The following TRAPPC9 variants were observed in gnomAD, a reference collection of about 807,000 sequenced individuals.
TRAPPC9 encodes the protein trafficking protein particle complex subunit 9, also known as IKK2 binding protein.
TRAPPC9 carries 83 observed loss-of-function variants against 124.0 expected under a neutral mutation model. That is an observed-to-expected ratio of 0.67 (90% confidence interval 0.56 to 0.80). The LOEUF is 0.80. Among genes scored for constraint, TRAPPC9 ranks in the 30% least tolerant of loss-of-function variants. TRAPPC9 has a pLI of 0.00. For synonymous variants in TRAPPC9, 638 were observed against 617.5 expected, an observed-to-expected ratio of 1.03 and a Z score of -0.49; for missense variants, 1,302 against 1,508.3, an observed-to-expected ratio of 0.86 and a Z score of 2.27.
intron 17 of TRAPPC9, among the ~76,000 whole-genome samples, chr8:140,202,076 CT>C (rs1214930207): frequency 1.3e-5 from 2 of 151,644 alleles, no homozygotes; most frequent in African/African-American, 4.8e-5. Flanking sequence ...TACAAAGTAT[CT>C]GCTCTAAGCC....
At chr8:140,438,758 C>T (rs925211788) in intron 3 of TRAPPC9, among the ~76,000 whole-genome samples, 6 of 151,944 alleles carry the variant, frequency 3.9e-5, no homozygotes, top group African/African-American at 1.5e-4. Context: ...AGTTGTGCAA[C>T]CTCTGCTCAC....
chr8:140,405,548 T>TA (rs767948779), intron 6 of TRAPPC9, 29 bp downstream of exon 6: 29 of 1,611,926 alleles, frequency 1.8e-5, no homozygotes, highest in African/African-American at 1.3e-4. Context: ...CACAACTGTG[T>TA]AAAAAAAATC....
At chr8:139,806,360 T>C (rs2130718098) in intron 21 of TRAPPC9, 1 of 152,446 alleles carries the variant, frequency 6.6e-6, no homozygotes, top group South Asian at 2.1e-4. Context: ...TTACTGGCTG[T>C]GGGGAGAGCT....
intron 6 of TRAPPC9, among the ~76,000 whole-genome samples, chr8:140,399,250 C>A (rs544245433): frequency 3.0e-4 from 45 of 152,358 alleles, no homozygotes; most frequent in Middle Eastern, 3.4e-3. Flanking sequence ...GGTTGGAGCC[C>A]CCACACAGAG....
At chr8:139,934,309 T>C (rs892975833) in intron 19 of TRAPPC9, among the ~76,000 whole-genome samples, 3 of 151,824 alleles carry the variant, frequency 2.0e-5, no homozygotes, top group Non-Finnish European at 4.4e-5. Context: ...AGAGAGAAGA[T>C]GAGAGTAGCT....
intron 21 of TRAPPC9, among the ~76,000 whole-genome samples, chr8:139,884,055 C>T (rs951945950): frequency 3.9e-5 from 6 of 152,166 alleles, no homozygotes; most frequent in African/African-American, 7.2e-5. Context: ...TCTCCCATGG[C>T]GACCTCACAC....
At chr8:139,744,111 C>G (rs973353815) in intron 21 of TRAPPC9, among the ~76,000 whole-genome samples, 4 of 152,260 alleles carry the variant, frequency 2.6e-5, no homozygotes, top group African/African-American at 9.6e-5. Flanking sequence ...TCCTGCACAA[C>G]TGCTCTTCCA....
chr8:140,028,290 C>T (rs1840281928), intron 17 of TRAPPC9, among the ~76,000 whole-genome samples: 1 of 152,144 alleles, frequency 6.6e-6, no homozygotes, highest in African/African-American at 2.4e-5. Flanking sequence ...CTTACTTTGA[C>T]AGAAGACTAT....
chr8:139,837,187 T>C (rs1330654669), intron 21 of TRAPPC9, among the ~76,000 whole-genome samples: 1 of 152,116 alleles, frequency 6.6e-6, no homozygotes, highest in African/African-American at 2.4e-5. Flanking sequence ...GGACTACGGT[T>C]CTTACCATCA....
At chr8:140,377,933 A>G (rs1459461683) in intron 7 of TRAPPC9, among the ~76,000 whole-genome samples, 2 of 151,938 alleles carry the variant, frequency 1.3e-5, no homozygotes, top group Admixed American at 6.6e-5. Context: ...GCACTCCAGC[A>G]TGAGTGACAG....
chr8:140,364,609 G>C (rs2068055535), intron 8 of TRAPPC9, among the ~76,000 whole-genome samples: 1 of 151,926 alleles, frequency 6.6e-6, no homozygotes, highest in South Asian at 2.1e-4. Flanking sequence ...TCGAGACGGA[G>C]TCTCGCTGTC....
chr8:139,788,426 T>TGCTGGGGAGGGAGAGCGGGA lies in TRAPPC9; in HGVS notation c.3056-56244_3056-56225dup, dbSNP rs1268563007. Among the ~76,000 whole-genome samples the TGCTGGGGAGGGAGAGCGGGA allele has an allele frequency of 1.3e-4, 20 of 152,364 alleles. No homozygotes were observed. The highest frequency in any genetic ancestry group is 4.8e-4 in the African/African-American group (20 of 41,588). ...TATCAGGCAGGGCAAGGATGGCGGC[T>TGCTGGGGAGGGAGAGCGGGA]GCTGGGGAGGGAGAGCGGGAGCTGC... On this transcript the variant is annotated intron_variant, in intron 21 of 22. Coordinates refer to ENST00000438773, the MANE Select transcript of TRAPPC9 (RefSeq NM_001160372.4). This position sits in a 1 kb window ranked among gnomAD's most constrained non-coding sequence, Gnocchi z 4.9.
chr8:140,197,084 T>C (rs1587904272), intron 17 of TRAPPC9, among the ~76,000 whole-genome samples: 1 of 152,184 alleles, frequency 6.6e-6, no homozygotes, highest in Non-Finnish European at 1.5e-5. Flanking sequence ...GCATGCTTCA[T>C]CACTTCTCCA....
At chr8:140,443,501 T>C (rs1381543790) in intron 2 of TRAPPC9, among the ~76,000 whole-genome samples, 1 of 151,784 alleles carries the variant, frequency 6.6e-6, no homozygotes, top group Non-Finnish European at 1.5e-5. Context: ...TGCACTACAA[T>C]GTTTTGGGGT....
chr8:139,752,077 C>G lies in TRAPPC9; in HGVS notation c.3056-19875G>C, dbSNP rs879788056. On this transcript the variant is annotated intron_variant, in intron 21 of 22. Coordinates refer to ENST00000438773, the MANE Select transcript of TRAPPC9 (RefSeq NM_001160372.4). ...TCTCTACCATCCATCCATCCATCCA[C>G]CATTCATCCACTCTACATCCATCCA... Among the ~76,000 whole-genome samples, 15 of 151,186 alleles carry G rather than the reference C, an allele frequency of 9.9e-5. 1 individual carries two copies. The highest frequency in any genetic ancestry group is 1.5e-4 in the Non-Finnish European group (10 of 67,774).
intron 17 of TRAPPC9, among the ~76,000 whole-genome samples, chr8:140,035,029 G>T (rs534143241): frequency 2.6e-5 from 4 of 152,220 alleles, no homozygotes; most frequent in Non-Finnish European, 4.4e-5. Flanking sequence ...AGATGCTCAC[G>T]GTTTTTCCCC....
Position 140,046,958 on chromosome 8 carries a change from G to A in TRAPPC9, c.2557-22879C>T, listed in dbSNP as rs146210947. 2.8e-3 allele frequency among the ~76,000 whole-genome samples: 425 copies of A among 152,280 alleles called. 2 individuals are homozygous for A. The highest frequency in any genetic ancestry group is 9.4e-3 in the African/African-American group (392 of 41,550). ...TAGGCCTGTTCTGAGAAATAGAAACGTGTACAGAAAAAGCCTAGAAAGGTT... is the reference window on the plus strand; with the variant it reads ...TAGGCCTGTTCTGAGAAATAGAAACATGTACAGAAAAAGCCTAGAAAGGTT... On this transcript the variant is annotated intron_variant, in intron 17 of 22. Coordinates refer to ENST00000438773, the MANE Select transcript of TRAPPC9 (RefSeq NM_001160372.4).
intron 9 of TRAPPC9, among the ~76,000 whole-genome samples, chr8:140,323,951 T>C (rs939145212): frequency 3.9e-5 from 6 of 152,150 alleles, no homozygotes; most frequent in African/African-American, 1.4e-4. Context: ...GTTACATAAA[T>C]CAGTTCTTTA....
chr8:140,168,457 C>G (rs2061892314), intron 17 of TRAPPC9, among the ~76,000 whole-genome samples: 1 of 152,028 alleles, frequency 6.6e-6, no homozygotes. Flanking sequence ...TGCATTCTGT[C>G]TCTATGGATT....
Sources: allele counts gnomAD v4.1 joint callset (sites outside exome capture counted in the v4.1 genomes callset), GRCh38; gene constraint gnomAD v4.1.1; non-coding constraint Gnocchi (gnomAD v3.1); transcripts MANE v1.5; gene names NCBI Gene and HGNC (gene_info 2026-07-23, HGNC 2026-07-21).